Variants in GLYATL1 observed in about 807,000 individuals in gnomAD.
GLYATL1 encodes the protein glycine-N-acyltransferase like 1, also known as glycine N-acyltransferase-like protein 1.
GLYATL1 carries 15 observed loss-of-function variants against 20.0 expected under a neutral mutation model. The ratio of observed to expected loss-of-function variants is 0.75; its 90% CI spans 0.50 to 1.15. The LOEUF (loss-of-function observed/expected upper bound fraction) is 1.15. Ranked by LOEUF, GLYATL1 falls within the 50% of genes most tolerant of loss-of-function variation. The probability of loss-of-function intolerance (pLI) is 0.00; values close to 1 mark genes in which losing one functional copy is unlikely to be tolerated. For missense variants in GLYATL1, 380 were observed against 368.5 expected (o/e 1.03, Z -0.26); for synonymous variants, 151 against 131.5 (o/e 1.15, Z -1.01).
chr11:58,928,767 C>T (rs1218506778), intron 1 of GLYATL1: 1 of 152,168 alleles, frequency 6.6e-6, no homozygotes, highest in Non-Finnish European at 1.5e-5. Flanking sequence ...AGTAAACACA[C>T]TTGTGGATAA....
At chr11:58,920,991 A>G (rs1230521437) in intron 1 of GLYATL1, among the ~76,000 whole-genome samples, 1 of 152,186 alleles carries the variant, frequency 6.6e-6, no homozygotes, top group Non-Finnish European at 1.5e-5. Context: ...ACTCATGGAC[A>G]TACAAAAAGA....
chr11:58,932,526 A>C (rs1855649797), intron 1 of GLYATL1, among the ~76,000 whole-genome samples: 3 of 152,222 alleles, frequency 2.0e-5, no homozygotes. Context: ...GCATATGTGC[A>C]CCAGGAAACA....
chr11:58,914,450 G>A (rs937995382), intron 1 of GLYATL1, among the ~76,000 whole-genome samples: 3 of 152,150 alleles, frequency 2.0e-5, no homozygotes, highest in African/African-American at 7.2e-5. Context: ...TCTTTTTGGT[G>A]TTTTAAGAAA....
At chr11:58,911,170 T>C (rs1001342432), downstream of GLYATL1, among the ~76,000 whole-genome samples, 2 of 152,226 alleles carry the variant, frequency 1.3e-5, no homozygotes, top group Non-Finnish European at 1.5e-5. Flanking sequence ...TTCTTTTCTA[T>C]TGCTGAGTAA....
intron 1 of GLYATL1, among the ~76,000 whole-genome samples, chr11:58,932,511 C>T (rs1855648887): frequency 6.6e-6 from 1 of 152,192 alleles, no homozygotes; most frequent in Non-Finnish European, 1.5e-5. Context: ...TTGAGAGACA[C>T]CCCTGCATAT....
At chr11:58,952,878 T>A (rs1317418236) in intron 4 of GLYATL1, among the ~76,000 whole-genome samples, 1 of 152,198 alleles carries the variant, frequency 6.6e-6, no homozygotes, top group African/African-American at 2.4e-5. Context: ...GGAAATTTCT[T>A]ACAGAAATTA....
chr11:58,921,832 T>C (rs1014642859), intron 1 of GLYATL1, among the ~76,000 whole-genome samples: 2 of 152,200 alleles, frequency 1.3e-5, no homozygotes, highest in Non-Finnish European at 2.9e-5. Context: ...CAAAGCCTTC[T>C]AACTTCAGCA....
intron 2 of GLYATL1, among the ~76,000 whole-genome samples, chr11:58,946,034 T>C (rs1045869221): frequency 6.6e-6 from 1 of 152,256 alleles, no homozygotes; most frequent in African/African-American, 2.4e-5. Context: ...TTAACTGATT[T>C]GCAAATGATT....
chr11:58,924,640 G>A (rs1327012161), upstream of GLYATL1, among the ~76,000 whole-genome samples: 7 of 152,158 alleles, frequency 4.6e-5, no homozygotes, highest in Non-Finnish European at 1.0e-4. Flanking sequence ...GGATTGTCAG[G>A]TGAGGTGGTC....
chr11:58,908,196 T>C (rs1854952996), exon 2 of GLYATL1: 1 of 152,190 alleles, frequency 6.6e-6, no homozygotes, highest in South Asian at 2.1e-4. Context: ...TCAGGGAAAC[T>C]GCCAGGTTCT....
chr11:58,921,220 G>A (rs1590770910), intron 1 of GLYATL1, among the ~76,000 whole-genome samples: 2 of 152,190 alleles, frequency 1.3e-5, no homozygotes, highest in Admixed American at 1.3e-4. Context: ...ATGCCAGATA[G>A]TTGGAGTGGG....
downstream of GLYATL1, among the ~76,000 whole-genome samples, chr11:58,911,444 T>C (rs1938786): frequency 0.16 from 24,047 of 152,236 alleles, 2,064 homozygotes; most frequent in East Asian, 0.31. Flanking sequence ...GCATCCTCGC[T>C]ACCAATGTGT....
chr11:58,938,150 A>T (rs1855920579), upstream of GLYATL1, among the ~76,000 whole-genome samples: 1 of 152,264 alleles, frequency 6.6e-6, no homozygotes, highest in African/African-American at 2.4e-5. Context: ...TGCAGGAATT[A>T]TAAAGCATTA....
chr11:58,955,501 T>C, intron 6 of GLYATL1, 109 bp from the exon 7 acceptor site: 1 of 1,394,746 alleles, frequency 7.2e-7, no homozygotes, highest in Non-Finnish European at 9.8e-7. Flanking sequence ...AACTTTGCAA[T>C]GGTGAGTCTT....
intron 5 of GLYATL1, 128 bp from the exon 6 acceptor site, chr11:58,955,048 G>A: frequency 8.4e-7 from 1 of 1,188,000 alleles, no homozygotes; most frequent in Non-Finnish European, 1.2e-6. Context: ...GTGTGACAAG[G>A]ACTCCATCTG....
At chr11:58,948,092 A>G (rs1856710688) in intron 4 of GLYATL1, 127 bp downstream of exon 4, 2 of 664,704 alleles carry the variant, frequency 3.0e-6, no homozygotes, top group Non-Finnish European at 2.7e-6. Flanking sequence ...ACACTCCTTC[A>G]GTACTGGGCA....
intron 1 of GLYATL1, among the ~76,000 whole-genome samples, chr11:58,922,235 T>C (rs1167745994): frequency 2.0e-5 from 3 of 152,204 alleles, no homozygotes; most frequent in Non-Finnish European, 1.5e-5. Flanking sequence ...CAGTGTTAAA[T>C]AGCATCAGGT....
downstream of GLYATL1, among the ~76,000 whole-genome samples, chr11:58,910,584 G>T (rs927385129): frequency 2.0e-5 from 3 of 152,132 alleles, no homozygotes; most frequent in African/African-American, 7.2e-5. Flanking sequence ...CTAGTCTACG[G>T]CATCCACTTA....
At chr11:58,929,538 T>G (rs774419585) in intron 1 of GLYATL1, among the ~76,000 whole-genome samples, 1 of 152,222 alleles carries the variant, frequency 6.6e-6, no homozygotes, top group Non-Finnish European at 1.5e-5. Flanking sequence ...ATAGAGCTAA[T>G]TTTTCCCTAT....
Sources: allele counts gnomAD v4.1 joint callset (sites outside exome capture counted in the v4.1 genomes callset), GRCh38; gene constraint gnomAD v4.1.1; transcripts MANE v1.5; gene names NCBI Gene and HGNC (gene_info 2026-07-23, HGNC 2026-07-21).